The following KCNA3 variants were observed in gnomAD, a reference collection of about 807,000 sequenced individuals.
KCNA3 encodes the protein potassium voltage-gated channel subfamily A member 3, also known as RP11-284N8.3.
In KCNA3, 18 loss-of-function variants were observed where a neutral mutation model predicts 34.3. The ratio of observed to expected loss-of-function variants is 0.52; its 90% CI spans 0.36 to 0.78. The LOEUF is 0.78. KCNA3 is among the 30% of genes least tolerant of loss of function. The pLI, the probability that KCNA3 is intolerant of heterozygous loss-of-function variation, is 0.00. For missense variants in KCNA3, 587 were observed against 802.5 expected, an observed-to-expected ratio of 0.73 and a Z score of 3.24; for synonymous variants, 324 against 351.7, an observed-to-expected ratio of 0.92 and a Z score of 0.88.
downstream of KCNA3, among the ~76,000 whole-genome samples, chr1:110,671,227 T>G (rs1054339285): frequency 1.3e-5 from 2 of 152,202 alleles, no homozygotes; most frequent in Admixed American, 1.3e-4. Context: ...CAGTTTGGCT[T>G]GAGTGAAGGT....
At chr1:110,672,294 A>C (rs1047636253), downstream of KCNA3, among the ~76,000 whole-genome samples, 2 of 152,196 alleles carry the variant, frequency 1.3e-5, no homozygotes, top group Non-Finnish European at 2.9e-5. Flanking sequence ...TCTCAGATGC[A>C]TTAGGAAATT....
chr1:110,656,449 A>G, the KCNA3 span: 1 of 152,232 alleles, frequency 6.6e-6, no homozygotes, highest in Non-Finnish European at 1.5e-5. Flanking sequence ...AGCAACATGT[A>G]CATATACACA....
the KCNA3 span, among the ~76,000 whole-genome samples, chr1:110,657,305 C>T: frequency 7.8e-4 from 118 of 152,186 alleles, no homozygotes; most frequent in Non-Finnish European, 1.4e-3. Flanking sequence ...CCTTGGCCTC[C>T]GAAAGTGCTA....
At chr1:110,667,152 T>C in the KCNA3 span, among the ~76,000 whole-genome samples, 1 of 152,144 alleles carries the variant, frequency 6.6e-6, no homozygotes, top group Non-Finnish European at 1.5e-5. Flanking sequence ...TGTTTAAATG[T>C]ATAAAAATAA....
At chr1:110,656,537 C>A in the KCNA3 span, 12 of 152,294 alleles carry the variant, frequency 7.9e-5, no homozygotes, top group African/African-American at 2.4e-4. Flanking sequence ...CTTCACTTTA[C>A]AGATAAACTC....
chr1:110,674,159 C>A lies in KCNA3; in HGVS notation c.651G>T (p.Gln217His), dbSNP rs1651991083. 1 of 1,613,312 alleles carries A rather than the reference C, an allele frequency of 6.2e-7. No individual in the cohort carries two copies. Among genetic ancestry groups the A allele is most frequent in the Non-Finnish European group, 8.5e-7 (1 of 1,179,716 alleles). ...EERPLPRRDF[Q>H]RQVWLLFEYP... ...ACTCGAAGAGCAGCCACACCTGGCG[C>A]TGGAAGTCGCGGCGGGGCAAGGGCC... Residue 217 changes from glutamine (Q) to histidine (H), a missense_variant, in exon 1 of 1, where the codon CAG (glutamine) becomes CAT (histidine). Physicochemically the swap from Gln to His is conservative, Grantham distance 24 (BLOSUM62 0). Coordinates refer to ENST00000369769, the MANE Select transcript of KCNA3 (RefSeq NM_002232.5). The surrounding 1 kb of genome is among the most constrained non-coding windows in gnomAD (Gnocchi z 6.4).
the KCNA3 span, among the ~76,000 whole-genome samples, chr1:110,659,645 G>A: frequency 6.6e-6 from 1 of 152,044 alleles, no homozygotes; most frequent in South Asian, 2.1e-4. Context: ...AAAAACTATA[G>A]ACTTTATGTC....
chr1:110,662,657 T>C, the KCNA3 span, among the ~76,000 whole-genome samples: 25 of 152,244 alleles, frequency 1.6e-4, no homozygotes, highest in African/African-American at 5.8e-4. Context: ...TTATGTACTC[T>C]CAGCAAGCAA....
the KCNA3 span, chr1:110,655,465 C>G: frequency 6.6e-6 from 1 of 151,968 alleles, no homozygotes; most frequent in African/African-American, 2.4e-5. Context: ...TTGTAAGATA[C>G]AGTATTAACA....
rs187645696 is a variant in KCNA3 at position 110,672,788 on chromosome 1, C to G, written c.*294G>C. On this transcript the variant is annotated 3_prime_UTR_variant, in exon 1 of 1. Coordinates refer to ENST00000369769, the MANE Select transcript of KCNA3 (RefSeq NM_002232.5). ...TCATTTCCTCCCAGGATGTACTGCT[C>G]TTTTTTAAATAGGGCGTGTACTAGA... is the stretch of plus-strand genomic sequence containing the variant. 767 of 317,616 alleles carry G rather than the reference C, an allele frequency of 2.4e-3. No individual in the cohort carries two copies. The highest frequency in any genetic ancestry group is 2.7e-3 in the Non-Finnish European group (461 of 173,116). 19.7% of individuals were successfully genotyped at this position (317,616 alleles called of 1,614,324 possible). A position where few individuals can be genotyped will look rare whatever the true frequency, so the allele number is the denominator to read the frequency against.
chr1:110,663,701 T>C, the KCNA3 span, among the ~76,000 whole-genome samples: 42 of 152,292 alleles, frequency 2.8e-4, 2 homozygotes, highest in East Asian at 5.0e-3. Context: ...ACTATATGTG[T>C]TGGTATTTCA....
At position 110,674,621 on chromosome 1, in the gene KCNA3, C is replaced by T. The variant is rs909235161; in HGVS notation, c.189G>A (p.Glu63=). ...MTVVPGDHLL[E]PEVADGGGAP... ...CCCCTCCACCATCGGCCACCTCCGG[C>T]TCCAGCAGGTGGTCCCCGGGCACCA... Residue 63 remains glutamate, a synonymous_variant, in exon 1 of 1, where the codon GAG becomes GAA. Transcript: ENST00000369769. This position sits in a 1 kb window ranked among gnomAD's most constrained non-coding sequence, Gnocchi z 6.4. The T allele has an allele frequency of 6.4e-7, 1 of 1,557,526 alleles. No individual in the cohort carries two copies. Among genetic ancestry groups the T allele is most frequent in the Non-Finnish European group, 8.6e-7 (1 of 1,160,620 alleles).
In KCNA3 at chr1:110,672,779, T is replaced by C. The variant is rs558746956; in HGVS notation, c.*303A>G. ...TCTTTAGTTTCATTTCCTCCCAGGA[T>C]GTACTGCTCTTTTTTAAATAGGGCG... On this transcript the variant is annotated 3_prime_UTR_variant, in exon 1 of 1. Transcript: ENST00000369769. 3.0e-4 allele frequency: 88 copies of C among 297,508 alleles called. No homozygotes were observed. Among genetic ancestry groups the C allele is most frequent in the African/African-American group, 1.7e-3 (79 of 46,628 alleles). The allele number at this position is 297,508 out of a possible 1,614,324, so 18.4% of individuals were successfully genotyped here.
the KCNA3 span, chr1:110,653,991 C>T: frequency 2.6e-5 from 4 of 152,116 alleles, no homozygotes; most frequent in African/African-American, 9.7e-5. Flanking sequence ...AGTAACATTG[C>T]ATTGCTAATC....
At chr1:110,658,941 T>A in the KCNA3 span, among the ~76,000 whole-genome samples, 1 of 152,160 alleles carries the variant, frequency 6.6e-6, no homozygotes, top group South Asian at 2.1e-4. Context: ...ATCATTTTGA[T>A]TAAAAAATAA....
chr1:110,673,723 G>A lies in KCNA3; in HGVS notation c.1087C>T (p.Leu363=). The change falls in exon 1 of 1, where the codon CTG becomes TTG. Residue 363 remains leucine (L), a synonymous_variant. Coordinates refer to ENST00000369769, the MANE Select transcript of KCNA3 (RefSeq NM_002232.5). This position sits in a 1 kb window ranked among gnomAD's most constrained non-coding sequence, Gnocchi z 8.8. Reference sequence around the variant, plus strand: ...ACCCTTACCAGGCGGATGACCCTCAGGATGGCCAGAGACATGGCCTGCTGT... The same window carrying A: ...ACCCTTACCAGGCGGATGACCCTCAAGATGGCCAGAGACATGGCCTGCTGT... ...NGQQAMSLAI[L]RVIRLVRVFR... is the part of the protein sequence containing the mutation. 1 of 1,614,204 alleles carries A rather than the reference G, an allele frequency of 6.2e-7. No individual in the cohort carries two copies. Among genetic ancestry groups the A allele is most frequent in the Non-Finnish European group, 8.5e-7 (1 of 1,180,052 alleles).
At position 110,673,981 on chromosome 1, in the gene KCNA3, C is replaced by G; in HGVS notation, c.829G>C (p.Ala277Pro). The G allele has an allele frequency of 6.2e-7, 1 of 1,613,836 alleles. No individual in the cohort carries two copies. Among genetic ancestry groups the G allele is most frequent in the Non-Finnish European group, 8.5e-7 (1 of 1,179,966 alleles). Residue 277 changes from alanine (A) to proline (P), a missense_variant, in exon 1 of 1, where the codon GCC becomes CCC. Physicochemically the swap from Ala to Pro is conservative, Grantham distance 27. This residue lies in a region of KCNA3 where 50 missense variants were observed against 45.3 expected (regional missense o/e 1.10). Transcript: ENST00000369769. This position sits in a 1 kb window ranked among gnomAD's most constrained non-coding sequence, Gnocchi z 8.8. ...CGGGACCCCGACGTGCTGTTGCCGG[C>G]TGCTTCGAATGAGTCCTGCGACGTC... The part of the protein sequence containing the change: ...ASTSQDSFEA[A>P]GNSTSGSRAG...
chr1:110,672,026 A>AT (rs1462588689), downstream of KCNA3, among the ~76,000 whole-genome samples: 1 of 152,064 alleles, frequency 6.6e-6, no homozygotes, highest in Admixed American at 6.6e-5. Context: ...ACTTAACTTT[A>AT]TTTTTTGTGC....
chr1:110,674,186 C>T lies in KCNA3; in HGVS notation c.624G>A (p.Glu208=). The change falls in exon 1 of 1, where the codon GAG becomes GAA. Residue 208 remains glutamate (E), a synonymous_variant. Coordinates refer to ENST00000369769, the MANE Select transcript of KCNA3 (RefSeq NM_002232.5). The surrounding 1 kb of genome is among the most constrained non-coding windows in gnomAD (Gnocchi z 6.4). ...GGAAGTCGCGGCGGGGCAAGGGCCG[C>T]TCCTCCTCCCGCAGGAAGCCCTCGT... ...REDEGFLREE[E]RPLPRRDFQR... The T allele has an allele frequency of 6.2e-7, 1 of 1,612,260 alleles. No individual in the cohort carries two copies. Among genetic ancestry groups the T allele is most frequent in the Non-Finnish European group, 8.5e-7 (1 of 1,178,908 alleles).
Sources: allele counts gnomAD v4.1 joint callset (sites outside exome capture counted in the v4.1 genomes callset), GRCh38; gene constraint gnomAD v4.1.1; regional missense constraint gnomAD v4.1.1; non-coding constraint Gnocchi (gnomAD v3.1); transcripts MANE v1.5; gene names NCBI Gene and HGNC (gene_info 2026-07-23, HGNC 2026-07-21).